GTF3C3: variants seen among roughly 807,000 people sequenced by gnomAD.
GTF3C3 encodes the protein general transcription factor IIIC subunit 3.
A neutral mutation model predicts 105.2 loss-of-function variants in GTF3C3; 75 were observed. That is an observed-to-expected ratio of 0.71 (90% confidence interval 0.59 to 0.86). The LOEUF is 0.86. GTF3C3 is among the 40% of genes least tolerant of loss of function. The pLI is 0.00. For synonymous variants in GTF3C3, 335 were observed against 370.4 expected, an observed-to-expected ratio of 0.90 and a Z score of 1.10; for missense variants, 856 against 1,076.5, an observed-to-expected ratio of 0.80 and a Z score of 2.87.
chr2:196,781,235 ATAAC>A (rs1341850408), intron 8 of GTF3C3, among the ~76,000 whole-genome samples: 3 of 150,538 alleles, frequency 2.0e-5, no homozygotes, highest in South Asian at 2.1e-4. Flanking sequence ...CAAGAATTAA[ATAAC>A]TATCTGTTTT....
intron 16 of GTF3C3, among the ~76,000 whole-genome samples, chr2:196,769,233 A>G (rs1222059889): frequency 6.6e-6 from 1 of 152,190 alleles, no homozygotes; most frequent in Non-Finnish European, 1.5e-5. Context: ...TTTAAAAGAA[A>G]CAAAAAGCCC....
In GTF3C3 at chr2:196,771,761, A is replaced by G. The variant is rs770496422; in HGVS notation, c.2247T>C (p.Phe749=). Residue 749 remains phenylalanine, a synonymous_variant, in exon 15 of 18, where the codon TTT becomes TTC. Coordinates refer to ENST00000263956, the MANE Select transcript of GTF3C3 (RefSeq NM_012086.5). ...NGHNAFVSGS[F]KHALGQYVQA... ...CAGGACACTTACCAAGCGCATGCTT[A>G]AAACTACCAGATACAAATGCATTGT... 2.5e-6 allele frequency: 4 copies of G among 1,611,584 alleles called. No homozygotes were observed. The highest frequency in any genetic ancestry group is 3.4e-6 in the Non-Finnish European group (4 of 1,177,772).
At chr2:196,774,098 T>TTCTC (rs1699223008) in intron 13 of GTF3C3, among the ~76,000 whole-genome samples, 1 of 152,332 alleles carries the variant, frequency 6.6e-6, no homozygotes, top group African/African-American at 2.4e-5. Context: ...AACAACCTCC[T>TTCTC]TCTCTTCCTT....
At chr2:196,768,163 A>G (rs547762918) in intron 16 of GTF3C3, among the ~76,000 whole-genome samples, 4 of 152,192 alleles carry the variant, frequency 2.6e-5, no homozygotes, top group African/African-American at 7.2e-5. Flanking sequence ...GATTACAGGC[A>G]CACGCCACCA....
chr2:196,797,902 G>A lies in GTF3C3; in HGVS notation c.109C>T (p.Gln37Ter), dbSNP rs770110560. 6.4e-7 allele frequency: 1 copy of A among 1,568,704 alleles called. No homozygotes were observed. Among genetic ancestry groups the A allele is most frequent in the Non-Finnish European group, 8.8e-7 (1 of 1,138,656 alleles). The change falls in exon 2 of 18, where the codon CAG becomes TAG. Residue 37 changes from glutamine to a stop codon, truncating the protein, a stop_gained. Coordinates refer to ENST00000263956, the MANE Select transcript of GTF3C3 (RefSeq NM_012086.5). LOFTEE classifies it high-confidence loss of function. ...ERKTREKKSLQEKGKLSAEEN... is the reference protein window; with the variant it reads ...ERKTREKKSL ...TCAGCTGATAACTTGCCTTTTTCCTGAAGACTCTGTGATTGCAAATTAATT... is the reference window on the plus strand; with the variant it reads ...TCAGCTGATAACTTGCCTTTTTCCTAAAGACTCTGTGATTGCAAATTAATT...
intron 17 of GTF3C3, among the ~76,000 whole-genome samples, chr2:196,764,920 T>C (rs1453316413): frequency 6.6e-6 from 1 of 152,088 alleles, no homozygotes; most frequent in Non-Finnish European, 1.5e-5. Context: ...TACGGCAGAA[T>C]AAACGCCAGA....
At chr2:196,783,802 T>C (rs1432704511) in intron 8 of GTF3C3, among the ~76,000 whole-genome samples, 2 of 152,158 alleles carry the variant, frequency 1.3e-5, no homozygotes, top group Admixed American at 6.6e-5. Flanking sequence ...TAAAACTGTA[T>C]GCACCTCATT....
rs557820148 is a variant in GTF3C3, at chr2:196,789,976, C to T, written c.630G>A (p.Ala210=). ...EKSLQFELIA[A]HLNPSDTEEW... ...CTTCTGTGTCACTGGGATTTAAATG[C>T]GCAGCAATCAACTCAAACTGCAATG... Residue 210 remains alanine, a synonymous_variant, in exon 5 of 18, where the codon GCG becomes GCA. Transcript: ENST00000263956. The T allele has an allele frequency of 1.3e-4, 212 of 1,613,162 alleles. No homozygotes were observed. Among genetic ancestry groups the T allele is most frequent in the Middle Eastern group, 3.3e-4 (2 of 6,056 alleles).
At chr2:196,788,089 C>T (rs1359456195) in intron 6 of GTF3C3, among the ~76,000 whole-genome samples, 1 of 152,244 alleles carries the variant, frequency 6.6e-6, no homozygotes, top group Non-Finnish European at 1.5e-5. Context: ...ATTTAACTAA[C>T]AGCAAATAAC....
chr2:196,776,190 T>TA lies in GTF3C3; in HGVS notation c.1594-80dup. The TA allele has an allele frequency of 4.7e-6, 4 of 843,908 alleles. No individual in the cohort carries two copies. The highest frequency in any genetic ancestry group is 3.8e-6 in the Non-Finnish European group (2 of 533,084). 52.3% of individuals were successfully genotyped at this position (843,908 alleles called of 1,614,324 possible). ...TGTTTTATTTGCATAGAAACATTTTTAAAAAAACAAACCATATTGCTTTAT... is the reference window on the plus strand; with the variant it reads ...TGTTTTATTTGCATAGAAACATTTTTAAAAAAAACAAACCATATTGCTTTAT... On this transcript the variant is annotated intron_variant, in intron 11 of 17. Coordinates refer to ENST00000263956, the MANE Select transcript of GTF3C3 (RefSeq NM_012086.5). The surrounding 1 kb of genome is among the most constrained non-coding windows in gnomAD (Gnocchi z 4.5).
chr2:196,796,739 G>C (rs1045813076), intron 2 of GTF3C3, among the ~76,000 whole-genome samples: 5 of 152,074 alleles, frequency 3.3e-5, no homozygotes, highest in Non-Finnish European at 7.4e-5. Flanking sequence ...TCATCATTCA[G>C]CTCCCACTTA....
intron 2 of GTF3C3, among the ~76,000 whole-genome samples, chr2:196,796,238 G>A (rs764767446): frequency 1.4e-4 from 22 of 152,160 alleles, no homozygotes; most frequent in Non-Finnish European, 2.5e-4. Context: ...ATCTTAAAAG[G>A]ATGTATGACA....
intron 15 of GTF3C3, among the ~76,000 whole-genome samples, chr2:196,770,994 T>C (rs1699164005): frequency 1.3e-5 from 2 of 152,168 alleles, no homozygotes; most frequent in South Asian, 2.1e-4. Flanking sequence ...CCAAAAACCA[T>C]AGTTTACTCA....
In GTF3C3 at chr2:196,776,099, A is replaced by G; in HGVS notation, c.1606T>C (p.Leu536=). The G allele has an allele frequency of 1.9e-6, 3 of 1,565,038 alleles. No individual in the cohort carries two copies. The highest frequency in any genetic ancestry group is 2.3e-5 in the East Asian group (1 of 44,208). Residue 536 remains leucine (L), a synonymous_variant, in exon 12 of 18, where the codon TTG becomes CTG. Coordinates refer to ENST00000263956, the MANE Select transcript of GTF3C3 (RefSeq NM_012086.5). The surrounding 1 kb of genome is among the most constrained non-coding windows in gnomAD (Gnocchi z 4.5). Reference sequence around the variant, plus strand: ...AACAACAGAGTAGAACGATGAAGCAATAACTTCAGTTCCTAAACAAATAAG... The same window carrying G: ...AACAACAGAGTAGAACGATGAAGCAGTAACTTCAGTTCCTAAACAAATAAG... The part of the protein sequence containing the change: ...ANAAQQELKL[L]LHRSTLLFSQ...
intron 13 of GTF3C3, among the ~76,000 whole-genome samples, chr2:196,773,891 C>T (rs1259155210): frequency 6.6e-6 from 1 of 152,172 alleles, no homozygotes; most frequent in East Asian, 1.9e-4. Context: ...TGGGAATGGT[C>T]GCTTGCCCAC....
chr2:196,765,604 ATATG>A (rs1407013893), intron 17 of GTF3C3, among the ~76,000 whole-genome samples: 2 of 149,568 alleles, frequency 1.3e-5, no homozygotes, highest in Admixed American at 6.7e-5. Context: ...TATATAAATA[ATATG>A]TATGAAATAC....
At position 196,793,123 on chromosome 2, in the gene GTF3C3, C is replaced by G. The variant is rs1699580912; in HGVS notation, c.244G>C (p.Val82Leu). The change falls in exon 3 of 18, where the codon GTT (valine) becomes CTT (leucine). Residue 82 changes from valine (V) to leucine (L), a missense_variant. This residue lies in a region of GTF3C3 where 117 missense variants were observed against 114.0 expected (regional missense o/e 1.03). Coordinates refer to ENST00000263956, the MANE Select transcript of GTF3C3 (RefSeq NM_012086.5). Reference sequence around the variant, plus strand: ...AGCATGGAAGCAAAGACCTTGTGAACTGACTTCCTCACTCCATCTGATGTT... The same window carrying G: ...AGCATGGAAGCAAAGACCTTGTGAAGTGACTTCCTCACTCCATCTGATGTT... ...GETSDGVRKS[V>L]HKVFASMLGE... The G allele has an allele frequency of 2.5e-6, 4 of 1,613,256 alleles. No individual in the cohort carries two copies. Among genetic ancestry groups the G allele is most frequent in the Non-Finnish European group, 3.4e-6 (4 of 1,179,382 alleles).
intron 1 of GTF3C3, among the ~76,000 whole-genome samples, chr2:196,798,672 G>A (rs1373691288): frequency 6.6e-6 from 1 of 151,974 alleles, no homozygotes; most frequent in African/African-American, 2.4e-5. Flanking sequence ...GACCATCCTG[G>A]CCAACATGGT....
chr2:196,791,275 C>A (rs1699543649), intron 4 of GTF3C3, 62 bp downstream of exon 4: 2 of 1,525,652 alleles, frequency 1.3e-6, no homozygotes, highest in Non-Finnish European at 9.1e-7. Flanking sequence ...GAAGTGCTCC[C>A]CCATTTGTTT....
Sources: allele counts gnomAD v4.1 joint callset (sites outside exome capture counted in the v4.1 genomes callset), GRCh38; gene constraint gnomAD v4.1.1; regional missense constraint gnomAD v4.1.1; non-coding constraint Gnocchi (gnomAD v3.1); transcripts MANE v1.5; gene names NCBI Gene and HGNC (gene_info 2026-07-23, HGNC 2026-07-21).